The following ST18 variants were observed in gnomAD, a reference collection of about 807,000 sequenced individuals.
ST18 encodes ST18 C2H2C-type zinc finger transcription factor.
ST18 carries 50 observed loss-of-function variants against 110.0 expected under a neutral mutation model. The observed-to-expected ratio is 0.45, with a 90% CI of 0.36 to 0.58. ST18 has a LOEUF of 0.58. Among genes scored for constraint, ST18 ranks in the 20% least tolerant of loss-of-function variants. The probability of loss-of-function intolerance (pLI) is 0.00; values close to 1 mark genes in which losing one functional copy is unlikely to be tolerated. For missense variants in ST18, 1,306 were observed against 1,280.1 expected (o/e 1.02, Z -0.31); for synonymous variants, 461 against 452.4 (o/e 1.02, Z -0.24).
At chr8:52,311,132 T>C (rs1389414824) in intron 2 of ST18, among the ~76,000 whole-genome samples, 1 of 152,168 alleles carries the variant, frequency 6.6e-6, no homozygotes, top group Non-Finnish European at 1.5e-5. Flanking sequence ...AGGGGTCCAT[T>C]GTCAACATTC....
At chr8:52,254,203 T>C (rs1295288250) in intron 2 of ST18, 1 of 152,164 alleles carries the variant, frequency 6.6e-6, no homozygotes, top group Non-Finnish European at 1.5e-5. Context: ...TCCGAGTGGC[T>C]TAAATGTCAG....
intron 5 of ST18, 21 bp from the exon 6 acceptor site, chr8:52,217,922 G>A (rs1216672428): frequency 6.6e-6 from 1 of 152,156 alleles, no homozygotes; most frequent in African/African-American, 2.4e-5. Context: ...GGAGGGAAGA[G>A]ATTCAAGGAG....
chr8:52,261,690 C>T lies in ST18; in HGVS notation c.-464-31613G>A, dbSNP rs1468666663. On this transcript the variant is annotated intron_variant, in intron 2 of 25. Coordinates refer to ENST00000689386, the MANE Select transcript of ST18 (RefSeq NM_001352837.2). Reference sequence around the variant, plus strand: ...CTTTAAGCATTCCCACAGCTCCCCACATCCCTTTAAAAATGTCTGTAACTA... The same window carrying T: ...CTTTAAGCATTCCCACAGCTCCCCATATCCCTTTAAAAATGTCTGTAACTA... Among the ~76,000 whole-genome samples, 7 of 152,180 alleles carry T rather than the reference C, an allele frequency of 4.6e-5. No individual in the cohort carries two copies. The East Asian group carries it at 1.3e-3, about 29-fold the overall frequency.
At position 52,161,499 on chromosome 8, in the gene ST18, C is replaced by T. The variant is rs1234409421; in HGVS notation, c.1470G>A (p.Val490=). Residue 490 remains valine, a synonymous_variant, in exon 14 of 26, where the codon GTG becomes GTA. Coordinates refer to ENST00000689386, the MANE Select transcript of ST18 (RefSeq NM_001352837.2). ...SQAITSPRAT[V]SKEQEKFGKV... ...TTCCAAACTTCTCTTGTTCTTTTGA[C>T]ACTGTGGCTCTGGGAGAGGTGATGG... 1 of 1,614,084 alleles carries T rather than the reference C, an allele frequency of 6.2e-7. No homozygotes were observed. Among genetic ancestry groups the T allele is most frequent in the African/African-American group, 1.3e-5 (1 of 74,932 alleles).
chr8:52,379,702 G>A (rs891047152), intron 2 of ST18, among the ~76,000 whole-genome samples: 11 of 151,934 alleles, frequency 7.2e-5, no homozygotes, highest in African/African-American at 2.7e-4. Context: ...AAATATACAC[G>A]AATATATTAC....
intron 2 of ST18, among the ~76,000 whole-genome samples, chr8:52,332,614 A>G (rs1176250042): frequency 8.1e-6 from 1 of 122,828 alleles, no homozygotes; most frequent in African/African-American, 3.1e-5. Flanking sequence ...GCACTTTGGG[A>G]GGCCAAGGTA....
chr8:52,350,451 T>C (rs1311601485), intron 2 of ST18, among the ~76,000 whole-genome samples: 1 of 152,288 alleles, frequency 6.6e-6, no homozygotes, highest in East Asian at 1.9e-4. Context: ...TTGTAGGTCA[T>C]GGCCCCAAAC....
Position 52,357,702 on chromosome 8 carries a change from TATATATATATATATATATATA to T in ST18, c.-465+51605_-465+51625del, listed in dbSNP as rs1564568345. 7.6e-3 allele frequency among the ~76,000 whole-genome samples: 861 copies of T among 112,880 alleles called. 28 individuals carry two copies. The highest frequency in any genetic ancestry group is 0.027 in the African/African-American group (809 of 30,342). The allele number at this position is 112,880 out of a possible 152,430, so 74.1% of individuals were successfully genotyped here. On this transcript the variant is annotated intron_variant, in intron 2 of 25. Transcript: ENST00000689386. Reference sequence around the variant, plus strand: ...ATATATATATATATATATATATATATATATATATATATATATATATATATATATAAAACAGACTCAAAGGGA... The same window carrying T: ...ATATATATATATATATATATATATATTATATATAAAACAGACTCAAAGGGA...
At chr8:52,309,502 C>A (rs2095867128) in intron 2 of ST18, among the ~76,000 whole-genome samples, 1 of 103,786 alleles carries the variant, frequency 9.6e-6, no homozygotes, top group Non-Finnish European at 1.7e-5. Context: ...GCCTGGGCAA[C>A]AGAGCAAGAC....
At chr8:52,244,166 T>G (rs2093662072) in intron 2 of ST18, among the ~76,000 whole-genome samples, 1 of 152,194 alleles carries the variant, frequency 6.6e-6, no homozygotes, top group African/African-American at 2.4e-5. Context: ...ATGGTGAGAC[T>G]GAATGGGAAA....
At chr8:52,293,061 T>A (rs1421833427) in intron 2 of ST18, among the ~76,000 whole-genome samples, 4 of 152,268 alleles carry the variant, frequency 2.6e-5, no homozygotes, top group Non-Finnish European at 5.9e-5. Context: ...CCTTGAATTC[T>A]ATGTGTGTGG....
At chr8:52,276,155 C>CAT (rs1327282681) in intron 2 of ST18, among the ~76,000 whole-genome samples, 268 of 8,124 alleles carry the variant, frequency 0.033, 1 homozygote, top group Non-Finnish European at 0.036. Context: ...GCACACCACG[C>CAT]ACCACACATA....
chr8:52,182,558 C>T (rs2070193495), intron 8 of ST18, among the ~76,000 whole-genome samples: 1 of 152,268 alleles, frequency 6.6e-6, no homozygotes, highest in South Asian at 2.1e-4. Flanking sequence ...AAGACAAATG[C>T]TGTGTGACTA....
rs147451666 is a variant in ST18, at chr8:52,223,033, C to T, written c.-418-1240G>A. 3.6e-3 allele frequency among the ~76,000 whole-genome samples: 554 copies of T among 152,174 alleles called. 3 individuals are homozygous for T. The highest frequency in any genetic ancestry group is 0.013 in the African/African-American group (534 of 41,524). On this transcript the variant is annotated intron_variant, in intron 3 of 25. Coordinates refer to ENST00000689386, the MANE Select transcript of ST18 (RefSeq NM_001352837.2). Reference sequence around the variant, plus strand: ...AGGTGTTAGTAACCTAACGGGCTACCCAATTCTAAAGTGTGCTCTCTGATG... The same window carrying T: ...AGGTGTTAGTAACCTAACGGGCTACTCAATTCTAAAGTGTGCTCTCTGATG...
chr8:52,114,582 C>T (rs2130227530), intron 25 of ST18, among the ~76,000 whole-genome samples: 1 of 152,302 alleles, frequency 6.6e-6, no homozygotes, highest in Middle Eastern at 3.4e-3. Flanking sequence ...AAGCGCTGAT[C>T]TAAATTATTA....
At chr8:52,382,567 C>T (rs1361389124) in intron 2 of ST18, among the ~76,000 whole-genome samples, 1 of 151,986 alleles carries the variant, frequency 6.6e-6, no homozygotes, top group Non-Finnish European at 1.5e-5. Context: ...AGTTTGTTTG[C>T]TTGGAATCGC....
intron 2 of ST18, among the ~76,000 whole-genome samples, chr8:52,262,370 C>G (rs1378147414): frequency 1.3e-5 from 2 of 152,188 alleles, no homozygotes; most frequent in African/African-American, 4.8e-5. Flanking sequence ...TGTGCCAAGG[C>G]AGTGCAGCAG....
intron 8 of ST18, among the ~76,000 whole-genome samples, chr8:52,207,221 C>G (rs190597073): frequency 6.6e-6 from 1 of 152,180 alleles, no homozygotes; most frequent in Non-Finnish European, 1.5e-5. Flanking sequence ...CATGGTGGCT[C>G]ACACCTATAA....
At chr8:52,242,750 C>A (rs1013347965) in intron 2 of ST18, among the ~76,000 whole-genome samples, 3 of 151,826 alleles carry the variant, frequency 2.0e-5, no homozygotes, top group African/African-American at 7.3e-5. Flanking sequence ...CACCTGTAAT[C>A]CTAGCTACTT....
Sources: gnomAD v4.1 joint callset for allele counts (sites outside exome capture counted in the v4.1 genomes callset) on GRCh38, gnomAD v4.1.1 for gene constraint, MANE v1.5 for transcripts, NCBI Gene and HGNC (gene_info 2026-07-23, HGNC 2026-07-21) for gene names.